Variants in ZNF407 observed in about 807,000 individuals in gnomAD.
ZNF407 encodes zinc finger protein 407.
ZNF407 carries 17 observed loss-of-function variants against 131.2 expected under a neutral mutation model. The observed-to-expected ratio is 0.13, with a 90% confidence interval of 0.09 to 0.19. The LOEUF is 0.19. ZNF407 is among the 10% of genes least tolerant of loss of function. ZNF407 has a pLI of 1.00. For missense variants in ZNF407, 2,681 were observed against 2,830.6 expected, an observed-to-expected ratio of 0.95 and a Z score of 1.20; for synonymous variants, 1,156 against 1,062.0, an observed-to-expected ratio of 1.09 and a Z score of -1.72.
intron 1 of ZNF407, among the ~76,000 whole-genome samples, chr18:74,600,852 G>A (rs760816226): frequency 2.0e-5 from 3 of 152,240 alleles, no homozygotes; most frequent in Non-Finnish European, 4.4e-5. Context: ...TTGAAGAAAT[G>A]TAGGCAGCAT....
intron 6 of ZNF407, among the ~76,000 whole-genome samples, chr18:74,886,970 T>G (rs1971318847): frequency 6.6e-6 from 1 of 152,226 alleles, no homozygotes; most frequent in Admixed American, 6.5e-5. Context: ...ATATGTGTCA[T>G]TTTATCTAGC....
At chr18:74,876,151 T>C (rs574665675) in intron 4 of ZNF407, among the ~76,000 whole-genome samples, 3 of 152,344 alleles carry the variant, frequency 2.0e-5, no homozygotes, top group African/African-American at 7.2e-5. Context: ...TATCATAATT[T>C]AAAGCACAGA....
Position 74,898,285 on chromosome 18 carries a change from A to C in ZNF407, c.5249+8247A>C, listed in dbSNP as rs963762897. Reference sequence around the variant, plus strand: ...TTAAGACAATATTATATCTTTTATAAATTTTACATCTTTGTCTTCTTAATT... The same window carrying C: ...TTAAGACAATATTATATCTTTTATACATTTTACATCTTTGTCTTCTTAATT... On this transcript the variant is annotated intron_variant, in intron 7 of 8. Transcript: ENST00000299687. 17 of 152,306 alleles carry C rather than the reference A, an allele frequency of 1.1e-4. No homozygotes were observed. The East Asian group carries it at 1.9e-3, about 17-fold the overall frequency. 9.4% of individuals were successfully genotyped at this position (152,306 alleles called of 1,614,324 possible). A position where few individuals can be genotyped will look rare whatever the true frequency, so the allele number is the denominator to read the frequency against.
At chr18:74,663,322 T>G (rs1056720964) in intron 3 of ZNF407, among the ~76,000 whole-genome samples, 8 of 152,192 alleles carry the variant, frequency 5.3e-5, no homozygotes, top group Non-Finnish European at 1.0e-4. Context: ...GGTTTCATTT[T>G]TTAGTAAAAG....
chr18:74,999,348 T>TAAAAAA (rs71170334), intron 8 of ZNF407, among the ~76,000 whole-genome samples: 32 of 60,446 alleles, frequency 5.3e-4, no homozygotes, highest in Middle Eastern at 0.01. Context: ...TAGAGTATAA[T>TAAAAAA]AAAAAAAAAA....
rs527808500 is a variant in ZNF407 at position 74,855,242 on chromosome 18, C to T, written c.4878-21955C>T. Reference sequence around the variant, plus strand: ...TTTTGTAGGCTAGGGTGCATACCTACGGGAGCTTTTATTTCAATAGGCCAC... The same window carrying T: ...TTTTGTAGGCTAGGGTGCATACCTATGGGAGCTTTTATTTCAATAGGCCAC... On this transcript the variant is annotated intron_variant, in intron 4 of 8. Transcript: ENST00000299687. Among the ~76,000 whole-genome samples the T allele has an allele frequency of 5.4e-4, 82 of 152,212 alleles. 1 individual carries two copies. The highest frequency in any genetic ancestry group is 1.8e-3 in the African/African-American group (73 of 41,532).
chr18:74,906,682 T>C (rs538468426), intron 7 of ZNF407, among the ~76,000 whole-genome samples: 5 of 152,244 alleles, frequency 3.3e-5, no homozygotes, highest in Non-Finnish European at 5.9e-5. Context: ...TGTATAAATG[T>C]ATGTATTTTC....
At chr18:74,750,875 C>G (rs1340709693) in intron 3 of ZNF407, among the ~76,000 whole-genome samples, 3 of 152,034 alleles carry the variant, frequency 2.0e-5, no homozygotes, top group Non-Finnish European at 4.4e-5. Context: ...TATAGCTCAC[C>G]TGATGTGTTT....
intron 3 of ZNF407, among the ~76,000 whole-genome samples, chr18:74,780,160 A>G (rs1339731766): frequency 6.6e-6 from 1 of 152,192 alleles, no homozygotes; most frequent in Non-Finnish European, 1.5e-5. Context: ...ATATTTAAGT[A>G]GAATGATTGT....
chr18:74,676,099 T>C (rs1355331833), intron 3 of ZNF407, among the ~76,000 whole-genome samples: 1 of 152,104 alleles, frequency 6.6e-6, no homozygotes, highest in African/African-American at 2.4e-5. Flanking sequence ...TCTTAGAATT[T>C]TTTTTTTTTG....
intron 7 of ZNF407, among the ~76,000 whole-genome samples, chr18:74,918,686 A>G (rs1971805741): frequency 6.6e-6 from 1 of 152,266 alleles, no homozygotes; most frequent in Admixed American, 6.5e-5. Context: ...TAGCTGGGAA[A>G]ATATCTGTTG....
intron 3 of ZNF407, among the ~76,000 whole-genome samples, chr18:74,736,202 A>T (rs1015689517): frequency 6.6e-6 from 1 of 152,188 alleles, no homozygotes; most frequent in Non-Finnish European, 1.5e-5. Flanking sequence ...ATTTTAGATT[A>T]CAGCAATGGA....
chr18:74,919,400 A>G (rs1414916062), intron 7 of ZNF407, among the ~76,000 whole-genome samples: 2 of 152,214 alleles, frequency 1.3e-5, no homozygotes, highest in Admixed American at 6.5e-5. Flanking sequence ...AGAGCCTTCA[A>G]GATTCTGCAG....
intron 8 of ZNF407, among the ~76,000 whole-genome samples, chr18:75,041,317 T>C (rs902543832): frequency 3.3e-5 from 5 of 152,204 alleles, no homozygotes; most frequent in African/African-American, 4.8e-5. Context: ...CCAGTTATTA[T>C]TATGAAAAAG....
At position 74,966,064 on chromosome 18, in the gene ZNF407, T is replaced by C. The variant is rs568743933; in HGVS notation, c.5428+45372T>C. Among the ~76,000 whole-genome samples the C allele has an allele frequency of 5.3e-5, 8 of 152,338 alleles. 1 individual carries two copies. The South Asian group carries it at 1.7e-3, about 32-fold the overall frequency. ...GCTTCTCATATATTCTGGTTATTAA[T>C]CCCTTGTCAGATAGGCAGCTTGCAG... On this transcript the variant is annotated intron_variant, in intron 8 of 8. Transcript: ENST00000299687.
chr18:74,866,421 G>A (rs2145166443), intron 4 of ZNF407, among the ~76,000 whole-genome samples: 1 of 152,268 alleles, frequency 6.6e-6, no homozygotes, highest in East Asian at 1.9e-4. Flanking sequence ...CCGAGATGAT[G>A]ACAAAGTCCA....
chr18:74,939,495 T>C (rs1035703755), intron 8 of ZNF407, among the ~76,000 whole-genome samples: 8 of 152,216 alleles, frequency 5.3e-5, no homozygotes, highest in Admixed American at 4.6e-4. Flanking sequence ...GAAACCTCCT[T>C]TGATTTTTTA....
chr18:74,817,474 C>G (rs1970282799), intron 4 of ZNF407, among the ~76,000 whole-genome samples: 1 of 151,988 alleles, frequency 6.6e-6, no homozygotes, highest in Non-Finnish European at 1.5e-5. Context: ...AATCTTCAGT[C>G]AATTTAGAAA....
chr18:74,986,207 G>A (rs917573800), intron 8 of ZNF407, among the ~76,000 whole-genome samples: 10 of 151,484 alleles, frequency 6.6e-5, no homozygotes, highest in African/African-American at 2.2e-4. Flanking sequence ...GCAGTCTAGT[G>A]TTGATTTTTC....
Sources: allele counts gnomAD v4.1 joint callset (sites outside exome capture counted in the v4.1 genomes callset), GRCh38; gene constraint gnomAD v4.1.1; transcripts MANE v1.5; gene names NCBI Gene and HGNC (gene_info 2026-07-23, HGNC 2026-07-21).